IFT88: variants seen among roughly 807,000 people sequenced by gnomAD.
IFT88 encodes intraflagellar transport protein 88 homolog.
In IFT88, 74 loss-of-function variants were observed where a neutral mutation model predicts 119.5. The ratio of observed to expected loss-of-function variants is 0.62; its 90% CI spans 0.51 to 0.75. The LOEUF is 0.75. Ranked by LOEUF, IFT88 falls within the 30% of genes least tolerant of loss-of-function variation. IFT88 has a pLI of 0.00. For synonymous variants in IFT88, 279 were observed against 316.7 expected (o/e 0.88, Z 1.26); for missense variants, 961 against 977.7 (o/e 0.98, Z 0.23).
At chr13:20,662,497 C>T (rs974029575) in intron 22 of IFT88, among the ~76,000 whole-genome samples, 13 of 151,912 alleles carry the variant, frequency 8.6e-5, no homozygotes, top group Admixed American at 7.2e-4. Flanking sequence ...AGAGACACAA[C>T]AAAAAAAGAG....
At chr13:20,632,551 A>G (rs1341031537) in intron 16 of IFT88, among the ~76,000 whole-genome samples, 1 of 152,168 alleles carries the variant, frequency 6.6e-6, no homozygotes, top group Non-Finnish European at 1.5e-5. Flanking sequence ...TCTTTAACAG[A>G]TTTCCAAGAA....
chr13:20,615,465 C>T (rs1196414321), intron 13 of IFT88, among the ~76,000 whole-genome samples: 3 of 152,144 alleles, frequency 2.0e-5, no homozygotes, highest in Non-Finnish European at 4.4e-5. Context: ...CCTTTACTTT[C>T]GTGTCTGCAG....
chr13:20,567,588 T>G (rs1380345805), intron 1 of IFT88: 1 of 296,210 alleles, frequency 3.4e-6, no homozygotes, highest in Non-Finnish European at 5.1e-6. Flanking sequence ...ACGGGGAAAC[T>G]TAAAACCCAG....
intron 24 of IFT88, among the ~76,000 whole-genome samples, chr13:20,678,854 C>T (rs537318578): frequency 2.0e-5 from 3 of 152,228 alleles, no homozygotes; most frequent in South Asian, 4.2e-4. Context: ...GGATCTGCAT[C>T]GGCAGACTAC....
At chr13:20,680,717 T>A (rs191487872) in intron 24 of IFT88, among the ~76,000 whole-genome samples, 142 of 152,304 alleles carry the variant, frequency 9.3e-4, no homozygotes, top group Admixed American at 1.7e-3. Flanking sequence ...GTCCTCGGGT[T>A]CCTCCCAAAA....
Position 20,598,796 on chromosome 13 carries a change from C to T in IFT88, c.697+43C>T, listed in dbSNP as rs771242943. 200 of 1,141,920 alleles carry T rather than the reference C, an allele frequency of 1.8e-4. 1 individual carries two copies. The highest frequency in any genetic ancestry group is 7.6e-5 in the African/African-American group (5 of 65,410). 70.7% of individuals were successfully genotyped at this position (1,141,920 alleles called of 1,614,324 possible). On this transcript the variant is annotated intron_variant, in intron 10 of 25. Transcript: ENST00000351808. ...GTTTTTCCAATAGATGTAATTCTTT[C>T]GTAGTGTTAATTTATGTCTCTTCAT...
chr13:20,621,528 A>T (rs1344923705), intron 14 of IFT88, among the ~76,000 whole-genome samples: 334 of 13,868 alleles, frequency 0.024, 2 homozygotes, highest in Non-Finnish European at 0.043. Context: ...TGCTGAGATA[A>T]AAAAAAAAAA....
chr13:20,666,517 A>C (rs2054711749), intron 23 of IFT88, among the ~76,000 whole-genome samples: 1 of 152,160 alleles, frequency 6.6e-6, no homozygotes, highest in Non-Finnish European at 1.5e-5. Flanking sequence ...CAGTCCCCGG[A>C]AGAGTAGCAT....
intron 15 of IFT88, among the ~76,000 whole-genome samples, 189 bp downstream of exon 15, chr13:20,626,038 C>T (rs575455116): frequency 8.8e-4 from 70 of 79,594 alleles, no homozygotes; most frequent in African/African-American, 3.1e-3. Flanking sequence ...GCCTGTTTGT[C>T]GTTTCTTTTT....
At chr13:20,590,920 G>A (rs1258237410) in intron 4 of IFT88, 47 bp from the exon 5 acceptor site, 1 of 1,332,456 alleles carries the variant, frequency 7.5e-7, no homozygotes, top group Non-Finnish European at 1.1e-6. Context: ...AACATTTAAG[G>A]CAGATATTTT....
chr13:20,568,144 TCA>T, intron 1 of IFT88: 2 of 544,424 alleles, frequency 3.7e-6, no homozygotes, highest in Non-Finnish European at 6.7e-6. Flanking sequence ...CTGTCCATAG[TCA>T]GTAGAAGAGT....
intron 13 of IFT88, among the ~76,000 whole-genome samples, chr13:20,610,103 T>TG (rs1261010668): frequency 2.1e-4 from 8 of 38,834 alleles, no homozygotes; most frequent in East Asian, 0.014. Flanking sequence ...GCTTGACTGC[T>TG]GTTTTTTTTT....
intron 1 of IFT88, among the ~76,000 whole-genome samples, chr13:20,568,346 A>G (rs547722730): frequency 6.6e-6 from 1 of 152,340 alleles, no homozygotes; most frequent in South Asian, 2.1e-4. Context: ...TCTGCCACCC[A>G]TAGCTATTAG....
intron 21 of IFT88, among the ~76,000 whole-genome samples, chr13:20,654,892 G>A (rs1291723448): frequency 6.6e-6 from 1 of 152,102 alleles, no homozygotes; most frequent in East Asian, 1.9e-4. Flanking sequence ...TAAAGACATA[G>A]CCTGCTTCAG....
At chr13:20,581,780 G>A (rs1005151228) in intron 2 of IFT88, among the ~76,000 whole-genome samples, 7 of 151,602 alleles carry the variant, frequency 4.6e-5, no homozygotes, top group Middle Eastern at 6.8e-3. Context: ...CTGAGCCTGG[G>A]AAGTTGAGGC....
At chr13:20,588,877 C>T (rs2138593647) in intron 3 of IFT88, among the ~76,000 whole-genome samples, 1 of 152,250 alleles carries the variant, frequency 6.6e-6, no homozygotes, top group East Asian at 1.9e-4. Context: ...ACCTTTTAGT[C>T]TTAGGGTGTA....
chr13:20,641,710 G>A (rs902719299), intron 18 of IFT88: 4 of 197,474 alleles, frequency 2.0e-5, no homozygotes, highest in Non-Finnish European at 3.1e-5. Flanking sequence ...GCTTTAGAAC[G>A]TTGTATTAAT....
chr13:20,680,903 A>G (rs7993506), intron 24 of IFT88, among the ~76,000 whole-genome samples: 1,859 of 152,314 alleles, frequency 0.012, 37 homozygotes, highest in African/African-American at 0.043. Flanking sequence ...TTCCGCTTCT[A>G]TCTTTGCAGC....
At chr13:20,604,334 AAAT>A (rs1303743701) in intron 12 of IFT88, among the ~76,000 whole-genome samples, 2 of 152,236 alleles carry the variant, frequency 1.3e-5, no homozygotes, top group Non-Finnish European at 2.9e-5. Context: ...TATTGAGAAA[AAAT>A]AATATATGTT....
Sources: gnomAD v4.1 joint callset for allele counts (sites outside exome capture counted in the v4.1 genomes callset) on GRCh38, gnomAD v4.1.1 for gene constraint, MANE v1.5 for transcripts, NCBI Gene and HGNC (gene_info 2026-07-23, HGNC 2026-07-21) for gene names.